The following RTL10 variants were observed in gnomAD, a reference collection of about 807,000 sequenced individuals.
The protein encoded by RTL10 is retrotransposon Gag like 10.
For missense variants in RTL10, 477 were observed against 470.7 expected (o/e 1.01, Z -0.12); for synonymous variants, 199 against 188.4 (o/e 1.06, Z -0.46).
intron 2 of RTL10, among the ~76,000 whole-genome samples, chr22:19,852,857 CCA>C (rs997357467): frequency 6.6e-6 from 1 of 152,136 alleles, no homozygotes; most frequent in Non-Finnish European, 1.5e-5. Flanking sequence ...TTGTCTGCAG[CCA>C]CACACTAACC....
rs1403455020 is a variant in RTL10 at position 19,851,779 on chromosome 22, G to A, written c.483C>T (p.Asp161=). The A allele has an allele frequency of 1.2e-6, 2 of 1,613,580 alleles. No individual in the cohort carries two copies. The highest frequency in any genetic ancestry group is 2.2e-5 in the East Asian group (1 of 44,840). The change falls in exon 3 of 3, where the codon GAC becomes GAT. Residue 161 remains aspartate, a synonymous_variant. Coordinates refer to ENST00000328554, the MANE Select transcript of RTL10 (RefSeq NM_024627.6). ...GCTCGTAATCGTCAGGCAGGGGCAG[G>A]TCCCCATCAAGGTAGGGGGCTGCCC... is the stretch of plus-strand genomic sequence containing the variant. ...QAWAAPYLDG[D]LPLPDDYELF... is the part of the protein sequence containing the mutation.
At position 19,850,921 on chromosome 22, in the gene RTL10, A is replaced by T; in HGVS notation, c.*246T>A. On this transcript the variant is annotated 3_prime_UTR_variant, in exon 3 of 3. Coordinates refer to ENST00000328554, the MANE Select transcript of RTL10 (RefSeq NM_024627.6). ...GGCCTGGGTGAGACGGCACTCCCAG[A>T]AGACGGGCAGGGATGCAGCAGAGAG... The T allele has an allele frequency of 7.3e-7, 1 of 1,363,174 alleles. No homozygotes were observed. The highest frequency in any genetic ancestry group is 9.4e-7 in the Non-Finnish European group (1 of 1,062,098). The allele number at this position is 1,363,174 out of a possible 1,614,324, so 84.4% of individuals were successfully genotyped here. A position where few individuals can be genotyped will look rare whatever the true frequency, so the allele number is the denominator to read the frequency against.
Position 19,846,862 on chromosome 22 carries a change from T to G in RTL10, c.*4305A>C, listed in dbSNP as rs748797356. On this transcript the variant is annotated 3_prime_UTR_variant, in exon 3 of 3. Transcript: ENST00000328554. ...AGCTCCAGAATCATGAGGAAATGTC[T>G]GTTGTTTAAGTCCCCTAGCCTGCGG... is the stretch of plus-strand genomic sequence containing the variant. The G allele has an allele frequency of 2.8e-4, 258 of 917,822 alleles. 2 individuals are homozygous for G. The highest frequency in any genetic ancestry group is 1.1e-3 in the Middle Eastern group (2 of 1,828). 56.9% of individuals were successfully genotyped at this position (917,822 alleles called of 1,614,324 possible). A position where few individuals can be genotyped will look rare whatever the true frequency, so the allele number is the denominator to read the frequency against.
intron 2 of RTL10, among the ~76,000 whole-genome samples, chr22:19,853,675 C>T (rs1046244140): frequency 2.6e-5 from 4 of 152,138 alleles, no homozygotes; most frequent in African/African-American, 7.2e-5. Context: ...GCCCTACCTC[C>T]ACCACCCAAA....
intron 2 of RTL10, among the ~76,000 whole-genome samples, chr22:19,853,747 G>GC (rs1569059553): frequency 6.6e-6 from 1 of 151,996 alleles, no homozygotes; most frequent in Admixed American, 6.6e-5. Flanking sequence ...TGAAAGCCCA[G>GC]CCCATGACCC....
Position 19,846,635 on chromosome 22 carries a change from A to G in RTL10, c.*4532T>C, listed in dbSNP as rs900363193. ...TCAAGTCCTAACCCCTAGTACTTACATTTGAAGACAGGGTCTTTAAAGAGG... is the reference window on the plus strand; with the variant it reads ...TCAAGTCCTAACCCCTAGTACTTACGTTTGAAGACAGGGTCTTTAAAGAGG... On this transcript the variant is annotated 3_prime_UTR_variant, in exon 3 of 3. Transcript: ENST00000328554. 2 of 852,574 alleles carry G rather than the reference A, an allele frequency of 2.3e-6. No individual in the cohort carries two copies. The highest frequency in any genetic ancestry group is 3.6e-5 in the African/African-American group (2 of 54,812). The allele number at this position is 852,574 out of a possible 1,614,324, so 52.8% of individuals were successfully genotyped here. A position where few individuals can be genotyped will look rare whatever the true frequency, so the allele number is the denominator to read the frequency against.
rs80122683 is a variant in RTL10 at position 19,847,995 on chromosome 22, C to T, written c.*3172G>A. The T allele has an allele frequency of 1.0e-6, 1 of 984,986 alleles. No homozygotes were observed. The highest frequency in any genetic ancestry group is 1.8e-5 in the African/African-American group (1 of 57,106). 61.0% of individuals were successfully genotyped at this position (984,986 alleles called of 1,614,324 possible). ...ACTCGTTAATTGGAAACACCTCTAG[C>T]CTGTACTAAATTTCCATATTTATTT... is the stretch of plus-strand genomic sequence containing the variant. On this transcript the variant is annotated 3_prime_UTR_variant, in exon 3 of 3. Coordinates refer to ENST00000328554, the MANE Select transcript of RTL10 (RefSeq NM_024627.6).
Position 19,847,396 on chromosome 22 carries a change from T to C in RTL10, c.*3771A>G, listed in dbSNP as rs961542088. 3 of 985,296 alleles carry C rather than the reference T, an allele frequency of 3.0e-6. No homozygotes were observed. The highest frequency in any genetic ancestry group is 3.6e-6 in the Non-Finnish European group (3 of 829,934). 61.0% of individuals were successfully genotyped at this position (985,296 alleles called of 1,614,324 possible). ...TCTTTGGGCTTTTCCAGTTCTGCTGTTCAAAAAACAGTGACACCCATGAGG... is the reference window on the plus strand; with the variant it reads ...TCTTTGGGCTTTTCCAGTTCTGCTGCTCAAAAAACAGTGACACCCATGAGG... On this transcript the variant is annotated 3_prime_UTR_variant, in exon 3 of 3. Coordinates refer to ENST00000328554, the MANE Select transcript of RTL10 (RefSeq NM_024627.6).
chr22:19,846,342 C>T lies in RTL10; in HGVS notation c.*4825G>A. 1 of 831,792 alleles carries T rather than the reference C, an allele frequency of 1.2e-6. No individual in the cohort carries two copies. The highest frequency in any genetic ancestry group is 1.5e-6 in the Non-Finnish European group (1 of 689,110). The allele number at this position is 831,792 out of a possible 1,614,324, so 51.5% of individuals were successfully genotyped here. A position where few individuals can be genotyped will look rare whatever the true frequency, so the allele number is the denominator to read the frequency against. On this transcript the variant is annotated 3_prime_UTR_variant, in exon 3 of 3. Coordinates refer to ENST00000328554, the MANE Select transcript of RTL10 (RefSeq NM_024627.6). ...GGAATACAGGATAATGCCTTTGTAC[C>T]CCCCAGGTAGGGAAAGATTTCTTAA...
At position 19,846,180 on chromosome 22, in the gene RTL10, ACATGTG is replaced by A. The variant is rs1230187388; in HGVS notation, c.*4981_*4986del. ...CAAAAATTTATTTCTTGCTCATATTACATGTGCATCGCGGTCGGCAGAGGGGCTCTG... is the reference window on the plus strand; with the variant it reads ...CAAAAATTTATTTCTTGCTCATATTACATCGCGGTCGGCAGAGGGGCTCTG... On this transcript the variant is annotated 3_prime_UTR_variant, in exon 3 of 3. Transcript: ENST00000328554. 6.5e-6 allele frequency: 1 copy of A among 153,508 alleles called. No individual in the cohort carries two copies. Among genetic ancestry groups the A allele is most frequent in the Non-Finnish European group, 1.4e-5 (1 of 69,210 alleles). 9.5% of individuals were successfully genotyped at this position (153,508 alleles called of 1,614,324 possible). A position where few individuals can be genotyped will look rare whatever the true frequency, so the allele number is the denominator to read the frequency against.
In RTL10 at chr22:19,850,455, A is replaced by C; in HGVS notation, c.*712T>G. The C allele has an allele frequency of 1.0e-6, 1 of 999,114 alleles. No individual in the cohort carries two copies. Among genetic ancestry groups the C allele is most frequent in the Non-Finnish European group, 1.2e-6 (1 of 839,430 alleles). 61.9% of individuals were successfully genotyped at this position (999,114 alleles called of 1,614,324 possible). ...GAAGAGGAGCCTGCTTCAGAACACC[A>C]GGCACGATTAGAGCTACAGTGTTAA... On this transcript the variant is annotated 3_prime_UTR_variant, in exon 3 of 3. Transcript: ENST00000328554.
chr22:19,852,438 C>A lies in RTL10; in HGVS notation c.-177G>T. ...GCTGACAGCTGCAGCCTCAGGAGAG[C>A]TGAGAAGAGCTGAGAGACTGTCAGT... On this transcript the variant is annotated 5_prime_UTR_variant, in exon 3 of 3. Transcript: ENST00000328554. 1 of 633,508 alleles carries A rather than the reference C, an allele frequency of 1.6e-6. No individual in the cohort carries two copies. Among genetic ancestry groups the A allele is most frequent in the Non-Finnish European group, 2.8e-6 (1 of 360,636 alleles). 39.2% of individuals were successfully genotyped at this position (633,508 alleles called of 1,614,324 possible).
Position 19,848,401 on chromosome 22 carries a change from C to T in RTL10, c.*2766G>A. The stretch of plus-strand genomic sequence containing the variant: ...AAAAACAACCCAGGGGGAATGCCTC[C>T]TTCCCCCAGCAGGAAAGCAGCTTGG... On this transcript the variant is annotated 3_prime_UTR_variant, in exon 3 of 3. Transcript: ENST00000328554. 1.0e-6 allele frequency: 1 copy of T among 985,506 alleles called. No individual in the cohort carries two copies. Among genetic ancestry groups the T allele is most frequent in the Non-Finnish European group, 1.2e-6 (1 of 829,988 alleles). 61.0% of individuals were successfully genotyped at this position (985,506 alleles called of 1,614,324 possible). A position where few individuals can be genotyped will look rare whatever the true frequency, so the allele number is the denominator to read the frequency against.
chr22:19,851,119 C>T lies in RTL10; in HGVS notation c.*48G>A, dbSNP rs771104547. ...GGGACTATGGGGCGCTCAAGCCACACAGGCCACTTCATCATGAGGGGCAGC... is the reference window on the plus strand; with the variant it reads ...GGGACTATGGGGCGCTCAAGCCACATAGGCCACTTCATCATGAGGGGCAGC... On this transcript the variant is annotated 3_prime_UTR_variant, in exon 3 of 3. Transcript: ENST00000328554. 6 of 1,530,426 alleles carry T rather than the reference C, an allele frequency of 3.9e-6. No individual in the cohort carries two copies. Among genetic ancestry groups the T allele is most frequent in the South Asian group, 2.6e-5 (2 of 78,060 alleles). 94.8% of individuals were successfully genotyped at this position (1,530,426 alleles called of 1,614,324 possible).
chr22:19,852,180 G>C lies in RTL10; in HGVS notation c.82C>G (p.Gln28Glu), dbSNP rs200966767. 47 of 1,613,872 alleles carry C rather than the reference G, an allele frequency of 2.9e-5. No individual in the cohort carries two copies. Among genetic ancestry groups the C allele is most frequent in the Non-Finnish European group, 5.9e-6 (7 of 1,180,034 alleles). The change falls in exon 3 of 3, where the codon CAG (glutamine) becomes GAG (glutamate). Residue 28 changes from glutamine (Q) to glutamate (E), a missense_variant. Transcript: ENST00000328554. ...AANYANAHPW[Q>E]QMDKASPGVA... ...CCAGGAGACGCCTTGTCCATCTGCT[G>C]CCATGGATGTGCGTTGGCATAATTG...
chr22:19,851,862 C>A lies in RTL10; in HGVS notation c.400G>T (p.Asp134Tyr), dbSNP rs767800218. ...YMSFHFEHYQDNISRVCEILR... is the reference protein window; with the variant it reads ...YMSFHFEHYQYNISRVCEILR... ...ATCTCGCAGACACGGCTGATGTTGT[C>A]CTGATAGTGCTCAAAGTGGAAGGAC... The change falls in exon 3 of 3, where the codon GAC (aspartate) becomes TAC (tyrosine). Residue 134 changes from aspartate to tyrosine, a missense_variant. Asp to Tyr is a radical substitution (Grantham distance 160). Transcript: ENST00000328554. 6.2e-7 allele frequency: 1 copy of A among 1,613,900 alleles called. No individual in the cohort carries two copies. Among genetic ancestry groups the A allele is most frequent in the Non-Finnish European group, 8.5e-7 (1 of 1,180,020 alleles).
chr22:19,852,093 A>C lies in RTL10; in HGVS notation c.169T>G (p.Cys57Gly). The stretch of plus-strand genomic sequence containing the variant: ...TTCTGCTCCATGGTCGTTCGCACAC[A>C]CACGGTGTCCCCACAGCAGGGCCGC... The part of the protein sequence containing the change: ...IERPCCGDTV[C>G]VRTTMEQKST... The change falls in exon 3 of 3, where the codon TGT becomes GGT. Residue 57 changes from cysteine to glycine, a missense_variant. Physicochemically the swap from Cys to Gly is radical, Grantham distance 159. Coordinates refer to ENST00000328554, the MANE Select transcript of RTL10 (RefSeq NM_024627.6). 6.2e-7 allele frequency: 1 copy of C among 1,614,182 alleles called. No individual in the cohort carries two copies. The highest frequency in any genetic ancestry group is 8.5e-7 in the Non-Finnish European group (1 of 1,180,038).
intron 2 of RTL10, among the ~76,000 whole-genome samples, chr22:19,853,068 G>C (rs8140875): frequency 0.025 from 3,880 of 152,204 alleles, 154 homozygotes; most frequent in African/African-American, 0.089. Flanking sequence ...CTGCTTCCCC[G>C]ACAGAGCAGT....
intron 2 of RTL10, 68 bp from the exon 3 acceptor site, chr22:19,852,554 G>A (rs1292728967): frequency 3.0e-5 from 12 of 395,856 alleles, no homozygotes; most frequent in Non-Finnish European, 5.5e-5. Flanking sequence ...CTGGTGGGAA[G>A]AGGCTACAAG....
Sources: allele counts gnomAD v4.1 joint callset (sites outside exome capture counted in the v4.1 genomes callset), GRCh38; gene constraint gnomAD v4.1.1; transcripts MANE v1.5; gene names NCBI Gene and HGNC (gene_info 2026-07-23, HGNC 2026-07-21).